The following MKLN1 variants were observed in gnomAD, a reference collection of about 807,000 sequenced individuals.
The protein encoded by MKLN1 is muskelin.
Under a neutral mutation model 99.0 loss-of-function variants are expected in MKLN1, and 18 were observed. The observed-to-expected ratio is 0.18, with a 90% confidence interval of 0.13 to 0.27. The LOEUF (loss-of-function observed/expected upper bound fraction) is 0.27, where lower values mean the gene tolerates loss of function less well. Ranked by LOEUF, MKLN1 falls within the 10% of genes least tolerant of loss-of-function variation. The probability of loss-of-function intolerance (pLI) is 1.00; values close to 1 mark genes in which losing one functional copy is unlikely to be tolerated. For synonymous variants in MKLN1, 288 were observed against 293.2 expected (o/e 0.98, Z 0.18); for missense variants, 621 against 875.9 (o/e 0.71, Z 3.67).
At chr7:131,244,660 T>G (rs1268771266) in intron 3 of MKLN1, among the ~76,000 whole-genome samples, 1 of 152,180 alleles carries the variant, frequency 6.6e-6, no homozygotes, top group Non-Finnish European at 1.5e-5. Flanking sequence ...AGAGTTACAG[T>G]GACGACGGTG....
intron 2 of MKLN1, among the ~76,000 whole-genome samples, chr7:131,154,854 T>C (rs897563909): frequency 6.6e-6 from 1 of 152,156 alleles, no homozygotes; most frequent in Non-Finnish European, 1.5e-5. Flanking sequence ...ATTACCCGAC[T>C]AGAGGGTAGG....
chr7:131,293,723 T>C (rs1381694111), intron 3 of MKLN1, among the ~76,000 whole-genome samples: 3 of 152,170 alleles, frequency 2.0e-5, no homozygotes, highest in African/African-American at 4.8e-5. Context: ...AGAGGATCAC[T>C]TGAGACCAGG....
At chr7:131,322,817 G>A (rs1237013961) in intron 3 of MKLN1, among the ~76,000 whole-genome samples, 4 of 151,600 alleles carry the variant, frequency 2.6e-5, no homozygotes, top group Non-Finnish European at 4.4e-5. Flanking sequence ...TGATCCACCC[G>A]CCTCGGCCTC....
At chr7:131,235,706 G>A (rs558553131) in intron 3 of MKLN1, among the ~76,000 whole-genome samples, 1 of 152,132 alleles carries the variant, frequency 6.6e-6, no homozygotes, top group Non-Finnish European at 1.5e-5. Context: ...TTTCAGTTCC[G>A]GTATTTCTGT....
At chr7:131,206,857 T>C (rs1372586469) in intron 3 of MKLN1, among the ~76,000 whole-genome samples, 1 of 152,122 alleles carries the variant, frequency 6.6e-6, no homozygotes, top group Non-Finnish European at 1.5e-5. Context: ...TGCCCTTCCT[T>C]ACTATAGTAT....
intron 8 of MKLN1, among the ~76,000 whole-genome samples, chr7:131,415,157 G>C (rs1319246690): frequency 6.7e-6 from 1 of 149,886 alleles, no homozygotes; most frequent in Non-Finnish European, 1.5e-5. Context: ...TCTGAAGCTT[G>C]GTAGCAAACT....
chr7:131,343,261 G>A (rs574546326), intron 1 of MKLN1, among the ~76,000 whole-genome samples: 10 of 152,154 alleles, frequency 6.6e-5, no homozygotes, highest in Non-Finnish European at 8.8e-5. Flanking sequence ...AGTGTAGCAC[G>A]TCATAACCAG....
intron 3 of MKLN1, among the ~76,000 whole-genome samples, chr7:131,290,216 A>T (rs1360197285): frequency 6.6e-6 from 1 of 151,796 alleles, no homozygotes; most frequent in African/African-American, 2.4e-5. Context: ...GAGGCAGGAG[A>T]CTCTCTTGAA....
chr7:131,301,599 A>G (rs1162004277), intron 3 of MKLN1, among the ~76,000 whole-genome samples: 1 of 152,144 alleles, frequency 6.6e-6, no homozygotes, highest in Non-Finnish European at 1.5e-5. Flanking sequence ...ACCTGGAGAA[A>G]TGGTTTGCTT....
chr7:131,125,183 G>A (rs182216264), intron 1 of MKLN1, among the ~76,000 whole-genome samples: 8 of 152,336 alleles, frequency 5.3e-5, no homozygotes, highest in East Asian at 1.9e-4. Context: ...GGGTAATGGA[G>A]AACTTCAGCT....
At chr7:131,200,895 T>A (rs1387795363) in intron 2 of MKLN1, among the ~76,000 whole-genome samples, 3 of 152,242 alleles carry the variant, frequency 2.0e-5, no homozygotes, top group East Asian at 3.8e-4. Flanking sequence ...AGCAATAGAT[T>A]AAAGCCAGTG....
At chr7:131,302,990 G>A (rs1002740079) in intron 3 of MKLN1, among the ~76,000 whole-genome samples, 1 of 152,162 alleles carries the variant, frequency 6.6e-6, no homozygotes, top group Admixed American at 6.5e-5. Context: ...ATGCTTGTGT[G>A]GATGTGTTTC....
rs143396959 is a variant in MKLN1 at position 131,454,279 on chromosome 7, G to C, written c.1525+8376G>C. 1.5e-3 allele frequency among the ~76,000 whole-genome samples: 223 copies of C among 152,126 alleles called. 2 individuals carry two copies. The highest frequency in any genetic ancestry group is 5.1e-3 in the African/African-American group (210 of 41,508). ...CAACTTATTTGATTTTTATTTATTT[G>C]ATTGTCCACCAGTAAATAAATTGGT... is the stretch of plus-strand genomic sequence containing the variant. On this transcript the variant is annotated intron_variant, in intron 12 of 17. Transcript: ENST00000352689.
chr7:131,156,419 G>A (rs1795965266), intron 2 of MKLN1, among the ~76,000 whole-genome samples: 1 of 126,518 alleles, frequency 7.9e-6, no homozygotes, highest in South Asian at 2.5e-4. Context: ...CTGCACTCCA[G>A]CCTGGGTGAC....
chr7:131,164,378 G>T (rs538276131), intron 2 of MKLN1, among the ~76,000 whole-genome samples: 38 of 152,292 alleles, frequency 2.5e-4, no homozygotes, highest in African/African-American at 9.1e-4. Context: ...GCCTCCCAAA[G>T]TACTAGGATT....
intron 1 of MKLN1, among the ~76,000 whole-genome samples, chr7:131,374,362 GT>G (rs1793569697): frequency 6.6e-6 from 1 of 152,146 alleles, no homozygotes; most frequent in South Asian, 2.1e-4. Flanking sequence ...AGAAAATACT[GT>G]TTGTGCACAC....
chr7:131,191,956 G>A (rs1255249658), intron 2 of MKLN1, among the ~76,000 whole-genome samples: 1 of 148,796 alleles, frequency 6.7e-6, no homozygotes, highest in African/African-American at 2.5e-5. Flanking sequence ...CTAAGCTCAG[G>A]CAATCTGCCT....
At chr7:131,471,140 C>T (rs1796809319) in intron 16 of MKLN1, 196 bp downstream of exon 16, 2 of 488,170 alleles carry the variant, frequency 4.1e-6, no homozygotes, top group Non-Finnish European at 7.3e-6. Flanking sequence ...ATTCAAGTCA[C>T]CAAAAACCCT....
chr7:131,465,338 G>C (rs183161471), intron 14 of MKLN1, among the ~76,000 whole-genome samples: 14 of 152,280 alleles, frequency 9.2e-5, no homozygotes, highest in Non-Finnish European at 1.5e-5. Flanking sequence ...ACTTACGAAA[G>C]TGATTGCGTT....
Sources: gnomAD v4.1 joint callset for allele counts (sites outside exome capture counted in the v4.1 genomes callset) on GRCh38, gnomAD v4.1.1 for gene constraint, MANE v1.5 for transcripts, NCBI Gene and HGNC (gene_info 2026-07-23, HGNC 2026-07-21) for gene names.